VPS8: variants seen among roughly 807,000 people sequenced by gnomAD.
The protein encoded by VPS8 is vacuolar protein sorting-associated protein 8 homolog.
Under a neutral mutation model 216.4 loss-of-function variants are expected in VPS8, and 129 were observed. That is an observed-to-expected ratio of 0.60 (90% CI 0.52 to 0.69). The LOEUF is 0.69. Ranked by LOEUF, VPS8 falls within the 30% of genes least tolerant of loss-of-function variation. The pLI is 0.00. For synonymous variants in VPS8, 571 were observed against 565.4 expected (o/e 1.01, Z -0.14); for missense variants, 1,531 against 1,683.5 (o/e 0.91, Z 1.59).
intron 28 of VPS8, among the ~76,000 whole-genome samples, chr3:184,916,740 AAAAG>A (rs1737664569): frequency 6.6e-6 from 1 of 152,164 alleles, no homozygotes; most frequent in Non-Finnish European, 1.5e-5. Flanking sequence ...ACATAGGAAA[AAAAG>A]AAACAAGAAG....
intron 42 of VPS8, among the ~76,000 whole-genome samples, chr3:184,989,568 T>C (rs1751593769): frequency 6.6e-6 from 1 of 151,528 alleles, no homozygotes; most frequent in Non-Finnish European, 1.5e-5. Flanking sequence ...CCCAGCCCAT[T>C]AATTGATTTT....
At chr3:184,934,233 C>A (rs1307166063) in intron 34 of VPS8, among the ~76,000 whole-genome samples, 1 of 151,982 alleles carries the variant, frequency 6.6e-6, no homozygotes, top group Non-Finnish European at 1.5e-5. Context: ...TATAGTGGCA[C>A]CATCTAGGTT....
At chr3:184,998,101 G>A (rs1461660548) in intron 44 of VPS8, among the ~76,000 whole-genome samples, 2 of 152,172 alleles carry the variant, frequency 1.3e-5, no homozygotes, top group African/African-American at 2.4e-5. Context: ...AGACTTCAGA[G>A]GAGCAGAGGC....
chr3:185,019,839 A>G (rs541572125), intron 45 of VPS8, among the ~76,000 whole-genome samples: 1 of 152,322 alleles, frequency 6.6e-6, no homozygotes, highest in East Asian at 1.9e-4. Flanking sequence ...TTATTTCATA[A>G]TTAAATGCTT....
intron 46 of VPS8, among the ~76,000 whole-genome samples, chr3:185,030,929 A>ATTTTT (rs986408165): frequency 2.1e-5 from 3 of 146,138 alleles, no homozygotes; most frequent in Non-Finnish European, 4.5e-5. Flanking sequence ...TGCCTGGCTG[A>ATTTTT]TTTTTTTTTT....
At chr3:184,861,589 A>G (rs1053594714) in intron 15 of VPS8, among the ~76,000 whole-genome samples, 2 of 152,224 alleles carry the variant, frequency 1.3e-5, no homozygotes, top group East Asian at 1.9e-4. Flanking sequence ...GTTTTTCAGA[A>G]TTTATCATCA....
rs142125917 is a variant in VPS8, at chr3:184,944,544, G to T, written c.3035+4301G>T. 136 of 985,378 alleles carry T rather than the reference G, an allele frequency of 1.4e-4. No individual in the cohort carries two copies. The African/African-American group carries it at 2.0e-3, about 15-fold the overall frequency. 61.0% of individuals were successfully genotyped at this position (985,378 alleles called of 1,614,324 possible). ...CTTAAAGGATAATACAAAAGGACAC[G>T]TGTTTTTTGTGAGGCCATGAGCTGC... On this transcript the variant is annotated intron_variant, in intron 36 of 47. Transcript: ENST00000625842.
chr3:184,957,658 G>A, intron 37 of VPS8, 137 bp downstream of exon 37: 1 of 1,092,468 alleles, frequency 9.2e-7, no homozygotes, highest in South Asian at 1.8e-5. Flanking sequence ...ACATACTCCT[G>A]AAAACAAAAG....
intron 3 of VPS8, 74 bp downstream of exon 3, chr3:184,826,305 A>G (rs955443812): frequency 2.1e-5 from 25 of 1,218,690 alleles, no homozygotes; most frequent in South Asian, 2.8e-5. Context: ...TAGTTATCAT[A>G]CATGCACCTA....
At chr3:184,928,582 T>C in intron 32 of VPS8, 49 bp downstream of exon 32, 1 of 1,275,220 alleles carries the variant, frequency 7.8e-7, no homozygotes, top group Non-Finnish European at 1.0e-6. Context: ...AATATTAAAT[T>C]ATATTTCTTT....
chr3:184,969,682 G>A (rs1290205065), intron 39 of VPS8, among the ~76,000 whole-genome samples: 2 of 150,670 alleles, frequency 1.3e-5, no homozygotes, highest in South Asian at 2.1e-4. Flanking sequence ...CACCCGCCTC[G>A]GCCTCCCAAA....
intron 25 of VPS8, among the ~76,000 whole-genome samples, chr3:184,903,367 TA>T (rs1734917576): frequency 6.6e-6 from 1 of 152,200 alleles, no homozygotes; most frequent in Non-Finnish European, 1.5e-5. Context: ...TGCTGTAGAT[TA>T]ATTGGGAGAG....
chr3:184,984,194 A>AACTCACCAAG lies in VPS8; in HGVS notation c.3585+1100_3585+1101insACTCACCAAG. Among the ~76,000 whole-genome samples the AACTCACCAAG allele has an allele frequency of 2.3e-3, 105 of 46,532 alleles. 36 individuals carry two copies. Among genetic ancestry groups the AACTCACCAAG allele is most frequent in the South Asian group, 9.7e-3 (8 of 822 alleles). The allele number at this position is 46,532 out of a possible 152,430, so 30.5% of individuals were successfully genotyped here. A position where few individuals can be genotyped will look rare whatever the true frequency, so the allele number is the denominator to read the frequency against. ...GCGAGACTCCGTCTCAAAAAAAAAA[A>AACTCACCAAG]CTCTACTTCCCATCTGATATTAAGC... On this transcript the variant is annotated intron_variant, in intron 42 of 47. Transcript: ENST00000625842.
At chr3:184,855,929 G>A (rs916501414) in intron 14 of VPS8, 111 bp downstream of exon 14, 2 of 796,396 alleles carry the variant, frequency 2.5e-6, no homozygotes, top group African/African-American at 3.6e-5. Context: ...TGGAGAGAGA[G>A]TGACCTATTT....
chr3:185,006,062 AC>A, intron 45 of VPS8, among the ~76,000 whole-genome samples: 1 of 152,322 alleles, frequency 6.6e-6, no homozygotes. Flanking sequence ...AGGAGAGATG[AC>A]CCAACATTTT....
chr3:184,822,479 C>G (rs1407572078), intron 1 of VPS8, among the ~76,000 whole-genome samples: 1 of 152,050 alleles, frequency 6.6e-6, no homozygotes, highest in Non-Finnish European at 1.5e-5. Context: ...AAATTGTTTT[C>G]CTTTCTGAGT....
In VPS8 at chr3:184,843,246, G is replaced by T. The variant is rs1221620020; in HGVS notation, c.541+1G>T. On this transcript the variant is annotated splice_donor_variant, in intron 8 of 47. Transcript: ENST00000625842. LOFTEE classifies it high-confidence loss of function. The stretch of plus-strand genomic sequence containing the variant: ...TTCTTCATGGATTCAAAAGGAAAAG[G>T]TATAGTAAGTAATTTTAGTTTGCAT... 3 of 1,407,564 alleles carry T rather than the reference G, an allele frequency of 2.1e-6. No individual in the cohort carries two copies. Among genetic ancestry groups the T allele is most frequent in the Middle Eastern group, 1.9e-4 (1 of 5,300 alleles). 87.2% of individuals were successfully genotyped at this position (1,407,564 alleles called of 1,614,324 possible).
chr3:185,040,057 C>A (rs111914762), intron 46 of VPS8, among the ~76,000 whole-genome samples: 2 of 152,262 alleles, frequency 1.3e-5, no homozygotes, highest in African/African-American at 4.8e-5. Context: ...CTCTTTTAAA[C>A]AACCACCTCT....
Position 184,905,834 on chromosome 3 carries a change from TGAA to T in VPS8, c.2146+4865_2146+4867del, listed in dbSNP as rs1188379618. 3.3e-5 allele frequency among the ~76,000 whole-genome samples: 5 copies of T among 152,082 alleles called. No individual in the cohort carries two copies. In the East Asian group the frequency reaches 5.8e-4, roughly 18 times the overall value. Reference sequence around the variant, plus strand: ...GTAATGTAAGAAATGCAAATTAAAATGAAGAGGTTTTTTTTTAACCAAACAAAT... The same window carrying T: ...GTAATGTAAGAAATGCAAATTAAAATGAGGTTTTTTTTTAACCAAACAAAT... On this transcript the variant is annotated intron_variant, in intron 25 of 47. Transcript: ENST00000625842.
Sources: gnomAD v4.1 joint callset for allele counts (sites outside exome capture counted in the v4.1 genomes callset) on GRCh38, gnomAD v4.1.1 for gene constraint, MANE v1.5 for transcripts, NCBI Gene and HGNC (gene_info 2026-07-23, HGNC 2026-07-21) for gene names.